The following PLEKHA5 variants were observed in gnomAD, a reference collection of about 807,000 sequenced individuals.
The protein encoded by PLEKHA5 is pleckstrin homology domain-containing family A member 5.
PLEKHA5 carries 55 observed loss-of-function variants against 181.9 expected under a neutral mutation model. That is an observed-to-expected ratio of 0.30 (90% confidence interval 0.24 to 0.38). The LOEUF (loss-of-function observed/expected upper bound fraction) is 0.38, where lower values mean the gene tolerates loss of function less well. PLEKHA5 is among the 10% of genes least tolerant of loss of function. The pLI is 1.00. For missense variants in PLEKHA5, 1,432 were observed against 1,549.5 expected (o/e 0.92, Z 1.27); for synonymous variants, 535 against 529.4 (o/e 1.01, Z -0.15).
intron 3 of PLEKHA5, among the ~76,000 whole-genome samples, chr12:19,218,852 A>G (rs897846793): frequency 1.3e-5 from 2 of 150,486 alleles, no homozygotes; most frequent in African/African-American, 2.4e-5. Context: ...ATTTTCCTCT[A>G]TATGTTATTA....
At chr12:19,183,838 C>G (rs972181546) in intron 3 of PLEKHA5, among the ~76,000 whole-genome samples, 38 of 152,092 alleles carry the variant, frequency 2.5e-4, no homozygotes, top group African/African-American at 8.4e-4. Context: ...CTCAGCCTCC[C>G]GAGTAGGTGG....
chr12:19,305,256 G>T (rs1408196950), intron 15 of PLEKHA5, among the ~76,000 whole-genome samples: 1 of 152,034 alleles, frequency 6.6e-6, no homozygotes, highest in African/African-American at 2.4e-5. Flanking sequence ...TTGATGATGG[G>T]GTTTTAAAAT....
chr12:19,236,683 T>C (rs2061455475), intron 3 of PLEKHA5, among the ~76,000 whole-genome samples: 1 of 152,212 alleles, frequency 6.6e-6, no homozygotes, highest in East Asian at 1.9e-4. Context: ...AGTAACTATT[T>C]GCATCCATAT....
chr12:19,265,827 A>G lies in PLEKHA5; in HGVS notation c.688A>G (p.Ile230Val), dbSNP rs778676329. 2.5e-5 allele frequency: 40 copies of G among 1,594,694 alleles called. No individual in the cohort carries two copies. The highest frequency in any genetic ancestry group is 3.2e-5 in the Non-Finnish European group (37 of 1,164,008). The change falls in exon 8 of 32, where the codon ATT becomes GTT. Residue 230 changes from isoleucine to valine, a missense_variant. Ile to Val is a conservative substitution (Grantham distance 29, BLOSUM62 3). Around this residue, in one of 2 missense-constraint regions of PLEKHA5, gnomAD observed 289 missense variants for 381.1 expected, o/e 0.76. Coordinates refer to ENST00000429027, the MANE Select transcript of PLEKHA5 (RefSeq NM_001256470.2). The part of the protein sequence containing the change: ...QIALLTSEDH[I>V]NRKYAFKAAH... ...AGCTTTGCTTACCTCTGAAGATCAC[A>G]TTAATCGCAAATATGCTTTTAAGGT...
intron 15 of PLEKHA5, among the ~76,000 whole-genome samples, chr12:19,311,821 T>G (rs1385955010): frequency 6.6e-6 from 1 of 152,150 alleles, no homozygotes; most frequent in East Asian, 1.9e-4. Context: ...CCTCCTCTCT[T>G]AAATCACAAA....
At chr12:19,295,822 T>TGGTTA (rs951780450) in intron 15 of PLEKHA5, among the ~76,000 whole-genome samples, 24 of 152,196 alleles carry the variant, frequency 1.6e-4, no homozygotes, top group African/African-American at 5.5e-4. Context: ...GTATCCCTGG[T>TGGTTA]GGTTAGATTC....
chr12:19,161,808 A>G (rs2043028972), intron 3 of PLEKHA5, among the ~76,000 whole-genome samples: 1 of 152,212 alleles, frequency 6.6e-6, no homozygotes, highest in Non-Finnish European at 1.5e-5. Flanking sequence ...TGGCATTGAA[A>G]GAAGAGGATT....
intron 3 of PLEKHA5, among the ~76,000 whole-genome samples, chr12:19,238,635 C>A (rs977587153): frequency 2.6e-5 from 4 of 151,882 alleles, no homozygotes; most frequent in Admixed American, 1.3e-4. Context: ...TAAACTTAAT[C>A]GGTAAGTTAC....
At chr12:19,332,151 G>A (rs1381550320) in intron 20 of PLEKHA5, among the ~76,000 whole-genome samples, 3 of 152,064 alleles carry the variant, frequency 2.0e-5, no homozygotes, top group Non-Finnish European at 2.9e-5. Context: ...GTGCAAACCT[G>A]TAGTCCTAGC....
chr12:19,228,804 G>A (rs1565490996), intron 3 of PLEKHA5, among the ~76,000 whole-genome samples: 1 of 151,914 alleles, frequency 6.6e-6, no homozygotes, highest in African/African-American at 2.4e-5. Flanking sequence ...ACAGGATCTA[G>A]AAAAAATGCT....
intron 20 of PLEKHA5, among the ~76,000 whole-genome samples, chr12:19,331,761 A>G (rs1032808930): frequency 6.6e-6 from 1 of 152,230 alleles, no homozygotes; most frequent in East Asian, 1.9e-4. Context: ...GCTGGCTCCT[A>G]TGTGTAATCC....
intron 28 of PLEKHA5, 130 bp downstream of exon 28, chr12:19,359,676 C>A: frequency 1.0e-6 from 1 of 960,142 alleles, no homozygotes. Flanking sequence ...AAAAAATAAG[C>A]TTTCTGGCCG....
At chr12:19,247,721 C>G (rs555497360) in intron 3 of PLEKHA5, among the ~76,000 whole-genome samples, 4 of 150,906 alleles carry the variant, frequency 2.7e-5, no homozygotes, top group African/African-American at 9.7e-5. Context: ...ATCTGTGTTG[C>G]TATTTATCAA....
In PLEKHA5 at chr12:19,294,290, A is replaced by T. The variant is rs1253643863; in HGVS notation, c.2037+2593A>T. 2.0e-5 allele frequency among the ~76,000 whole-genome samples: 3 copies of T among 152,296 alleles called. No homozygotes were observed. The East Asian group carries it at 5.8e-4, about 29-fold the overall frequency. Reference sequence around the variant, plus strand: ...ACTTTGAATTTTAATAAAATTTTTCATTCAGCTCAAACATTTCCAGCTTTT... The same window carrying T: ...ACTTTGAATTTTAATAAAATTTTTCTTTCAGCTCAAACATTTCCAGCTTTT... On this transcript the variant is annotated intron_variant, in intron 15 of 31. Coordinates refer to ENST00000429027, the MANE Select transcript of PLEKHA5 (RefSeq NM_001256470.2).
chr12:19,230,717 G>A (rs1413605854), intron 3 of PLEKHA5, among the ~76,000 whole-genome samples: 3 of 152,072 alleles, frequency 2.0e-5, no homozygotes, highest in Non-Finnish European at 2.9e-5. Flanking sequence ...CGTGCACCCC[G>A]GTTCCCACCG....
rs139116359 is a variant in PLEKHA5, at chr12:19,361,389, T to C, written c.3484-193T>C. 5.3e-5 allele frequency among the ~76,000 whole-genome samples: 8 copies of C among 152,134 alleles called. No homozygotes were observed. The East Asian group carries it at 1.4e-3, about 26-fold the overall frequency. On this transcript the variant is annotated intron_variant, in intron 28 of 31. Coordinates refer to ENST00000429027, the MANE Select transcript of PLEKHA5 (RefSeq NM_001256470.2). ...CAGTAGAGACAGTGTTTCACCGTGT[T>C]AGCCAGGATGGTCTCAATCTCCTGA...
chr12:19,215,582 C>G (rs1592093171), intron 3 of PLEKHA5, among the ~76,000 whole-genome samples: 1 of 152,236 alleles, frequency 6.6e-6, no homozygotes, highest in East Asian at 1.9e-4. Flanking sequence ...ATCATATAAT[C>G]ATATTCTTCT....
intron 3 of PLEKHA5, among the ~76,000 whole-genome samples, chr12:19,213,081 C>T (rs1359199493): frequency 1.3e-5 from 2 of 152,014 alleles, no homozygotes; most frequent in African/African-American, 4.8e-5. Context: ...ATTATTTACA[C>T]ATTCCAGACC....
chr12:19,141,236 G>A lies in PLEKHA5; in HGVS notation c.227+8786G>A, dbSNP rs374444199. Among the ~76,000 whole-genome samples the A allele has an allele frequency of 3.9e-5, 6 of 152,056 alleles. No individual in the cohort carries two copies. In the East Asian group the frequency reaches 7.8e-4, roughly 20 times the overall value. On this transcript the variant is annotated intron_variant, in intron 3 of 31. Transcript: ENST00000429027. ...TTACGTGCAGCCCCAAATTACACCC[G>A]TTTAGCTTTTTAACCTAAAATGTAA...
Sources: allele counts gnomAD v4.1 joint callset (sites outside exome capture counted in the v4.1 genomes callset), GRCh38; gene constraint gnomAD v4.1.1; regional missense constraint gnomAD v4.1.1; transcripts MANE v1.5; gene names NCBI Gene and HGNC (gene_info 2026-07-23, HGNC 2026-07-21).